CEP43: variants seen among roughly 807,000 people sequenced by gnomAD.
CEP43 encodes the protein centrosomal protein 43.
Under a neutral mutation model 52.6 loss-of-function variants are expected in CEP43, and 36 were observed. That is an observed-to-expected ratio of 0.68 (90% CI 0.52 to 0.90). The LOEUF (loss-of-function observed/expected upper bound fraction) is 0.90. Ranked by LOEUF, CEP43 falls within the 40% of genes least tolerant of loss-of-function variation. The probability of loss-of-function intolerance (pLI) is 0.00; values close to 1 mark genes in which losing one functional copy is unlikely to be tolerated. For missense variants in CEP43, 506 were observed against 472.8 expected, an observed-to-expected ratio of 1.07 and a Z score of -0.65; for synonymous variants, 192 against 172.4, an observed-to-expected ratio of 1.11 and a Z score of -0.89.
chr6:167,031,563 G>T (rs1010311627), intron 10 of CEP43, among the ~76,000 whole-genome samples: 1 of 152,222 alleles, frequency 6.6e-6, no homozygotes, highest in Non-Finnish European at 1.5e-5. Flanking sequence ...AATCCCCTCA[G>T]CAGTCTGACC....
At chr6:167,036,293 A>G (rs6922071) in intron 12 of CEP43, 21,230 of 985,398 alleles carry the variant, frequency 0.022, 570 homozygotes, top group African/African-American at 0.12. Context: ...ATCCCGGGAC[A>G]TGTCAGTGCT....
intron 7 of CEP43, among the ~76,000 whole-genome samples, chr6:167,021,584 A>G (rs1780232040): frequency 6.6e-6 from 1 of 152,236 alleles, no homozygotes; most frequent in African/African-American, 2.4e-5. Context: ...AATGGAGTGA[A>G]AGTCGGCTGT....
intron 12 of CEP43, among the ~76,000 whole-genome samples, chr6:167,038,060 C>T (rs991188655): frequency 6.6e-6 from 1 of 152,116 alleles, no homozygotes; most frequent in South Asian, 2.1e-4. Context: ...TATATTCACC[C>T]GTGGTTTTTT....
chr6:167,040,267 C>G lies in CEP43; in HGVS notation c.*289C>G. On this transcript the variant is annotated 3_prime_UTR_variant, in exon 13 of 13. Transcript: ENST00000366847. ...ACAGGGAAGGAACCCATGAAAACAT[C>G]AGTGTTAAGAGCATGATGAAAGGTG... 6.7e-7 allele frequency: 1 copy of G among 1,494,906 alleles called. No individual in the cohort carries two copies. Among genetic ancestry groups the G allele is most frequent in the Non-Finnish European group, 8.8e-7 (1 of 1,131,506 alleles). The allele number at this position is 1,494,906 out of a possible 1,614,324, so 92.6% of individuals were successfully genotyped here.
At chr6:167,022,774 C>A in intron 8 of CEP43, 139 bp downstream of exon 8, 1 of 648,452 alleles carries the variant, frequency 1.5e-6, no homozygotes, top group Non-Finnish European at 2.6e-6. Context: ...TTGTTAATGC[C>A]TTTCATGTTG....
chr6:167,024,942 T>C lies in CEP43; in HGVS notation c.919+48T>C, dbSNP rs765144069. 7 of 1,022,048 alleles carry C rather than the reference T, an allele frequency of 6.8e-6. No homozygotes were observed. The South Asian group carries it at 9.7e-5, about 14-fold the overall frequency. 63.3% of individuals were successfully genotyped at this position (1,022,048 alleles called of 1,614,324 possible). On this transcript the variant is annotated intron_variant, in intron 9 of 12. Coordinates refer to ENST00000366847, the MANE Select transcript of CEP43 (RefSeq NM_007045.4). Reference sequence around the variant, plus strand: ...TTCAATACTCGGGATATTTTTTCTCTAATTAAATACTATGTGATTATTGTT... The same window carrying C: ...TTCAATACTCGGGATATTTTTTCTCCAATTAAATACTATGTGATTATTGTT...
intron 5 of CEP43, among the ~76,000 whole-genome samples, chr6:167,009,249 A>G (rs1370266455): frequency 6.6e-6 from 1 of 151,796 alleles, no homozygotes; most frequent in Non-Finnish European, 1.5e-5. Flanking sequence ...AAAATTGGCC[A>G]GGTGCGGTGG....
intron 7 of CEP43, among the ~76,000 whole-genome samples, chr6:167,015,073 CTG>C (rs1189239523): frequency 1.3e-5 from 2 of 152,220 alleles, no homozygotes; most frequent in African/African-American, 4.8e-5. Flanking sequence ...TGTGAAATAA[CTG>C]TGATGGGCCC....
chr6:167,047,453 ACTTC>A lies in CEP43; in HGVS notation c.*7481_*7484del, dbSNP rs1780814313. 2.6e-5 allele frequency: 4 copies of A among 152,186 alleles called. No homozygotes were observed. The highest frequency in any genetic ancestry group is 1.3e-4 in the Admixed American group (2 of 15,282). The allele number at this position is 152,186 out of a possible 1,614,324, so 9.4% of individuals were successfully genotyped here. A position where few individuals can be genotyped will look rare whatever the true frequency, so the allele number is the denominator to read the frequency against. ...TTCTCATCTGTAAAGGGGATTAAAT[ACTTC>A]CTTCCCTTACAGGGCTGCCCTGGTC... On this transcript the variant is annotated 3_prime_UTR_variant, in exon 13 of 13. Coordinates refer to ENST00000366847, the MANE Select transcript of CEP43 (RefSeq NM_007045.4).
chr6:167,036,016 G>C, intron 12 of CEP43: 1 of 970,110 alleles, frequency 1.0e-6, no homozygotes, highest in Non-Finnish European at 1.2e-6. Context: ...ATTATTCATT[G>C]TAGTCACAAT....
chr6:167,034,001 C>CTTT, intron 12 of CEP43, 30 bp downstream of exon 12: 2 of 883,284 alleles, frequency 2.3e-6, no homozygotes, highest in South Asian at 1.8e-5. Flanking sequence ...CCATAGAGTG[C>CTTT]TTTTTTTTTT....
Position 167,026,631 on chromosome 6 carries a change from G to T in CEP43, c.988+16G>T, listed in dbSNP as rs750110428. The T allele has an allele frequency of 2.7e-6, 4 of 1,499,108 alleles. No homozygotes were observed. The Admixed American group carries it at 5.0e-5, about 19-fold the overall frequency. 92.9% of individuals were successfully genotyped at this position (1,499,108 alleles called of 1,614,324 possible). A position where few individuals can be genotyped will look rare whatever the true frequency, so the allele number is the denominator to read the frequency against. On this transcript the variant is annotated intron_variant, in intron 10 of 12. Coordinates refer to ENST00000366847, the MANE Select transcript of CEP43 (RefSeq NM_007045.4). ...CTTGGATTAGGTAATTAGATTTCTA[G>T]TTTTTGTGCTGATCGTTTTAAAGTG...
rs1047305353 is a variant in CEP43 at position 167,049,726 on chromosome 6, A to G, written c.*9748A>G. ...ATATGCTTTATTTTCTCTTGAGTAC[A>G]TAAAAGTGGAGCCTCTGAGTAATAT... On this transcript the variant is annotated 3_prime_UTR_variant, in exon 13 of 13. Transcript: ENST00000366847. 1 of 152,336 alleles carries G rather than the reference A, an allele frequency of 6.6e-6. No homozygotes were observed. Among genetic ancestry groups the G allele is most frequent in the South Asian group, 2.1e-4 (1 of 4,816 alleles). The allele number at this position is 152,336 out of a possible 1,614,324, so 9.4% of individuals were successfully genotyped here. A position where few individuals can be genotyped will look rare whatever the true frequency, so the allele number is the denominator to read the frequency against.
In CEP43 at chr6:167,041,216, C is replaced by T. The variant is rs1424059955; in HGVS notation, c.*1238C>T. ...CATGACTTGTGTAATGCCAGTTTCT[C>T]ATTTCATATTAGCCTAAATATTACA... On this transcript the variant is annotated 3_prime_UTR_variant, in exon 13 of 13. Transcript: ENST00000366847. The T allele has an allele frequency of 3.8e-6, 4 of 1,047,580 alleles. No homozygotes were observed. In the Admixed American group the frequency reaches 1.7e-4, roughly 43 times the overall value. 64.9% of individuals were successfully genotyped at this position (1,047,580 alleles called of 1,614,324 possible). A position where few individuals can be genotyped will look rare whatever the true frequency, so the allele number is the denominator to read the frequency against.
chr6:167,027,977 G>C, intron 10 of CEP43: 1 of 986,070 alleles, frequency 1.0e-6, no homozygotes, highest in African/African-American at 1.7e-5. Context: ...CGTCCTGGTT[G>C]CTGGCTGGCC....
intron 10 of CEP43, 57 bp downstream of exon 10, chr6:167,026,672 A>C: frequency 9.0e-7 from 1 of 1,106,466 alleles, no homozygotes. Flanking sequence ...TTTTAGGGTA[A>C]GGCTGTAAAA....
rs79818000 is a variant in CEP43, at chr6:167,042,388, G to A, written c.*2410G>A. ...TTTCATTTTATTGATAACTACAAATGAATAAAAAGCATTTATTCTCTTTGT... is the reference window on the plus strand; with the variant it reads ...TTTCATTTTATTGATAACTACAAATAAATAAAAAGCATTTATTCTCTTTGT... On this transcript the variant is annotated 3_prime_UTR_variant, in exon 13 of 13. Transcript: ENST00000366847. 12,771 of 965,778 alleles carry A rather than the reference G, an allele frequency of 0.013. 127 individuals are homozygous for A. Among genetic ancestry groups the A allele is most frequent in the East Asian group, 0.068 (814 of 11,940 alleles). The allele number at this position is 965,778 out of a possible 1,614,324, so 59.8% of individuals were successfully genotyped here.
intron 8 of CEP43, among the ~76,000 whole-genome samples, chr6:167,024,143 G>T (rs112901720): frequency 6.6e-6 from 1 of 152,160 alleles, no homozygotes; most frequent in African/African-American, 2.4e-5. Context: ...AGTGGAGAGC[G>T]TGTGGGTCTC....
intron 5 of CEP43, among the ~76,000 whole-genome samples, chr6:167,010,358 T>G (rs2128659722): frequency 6.6e-6 from 1 of 152,174 alleles, no homozygotes; most frequent in East Asian, 1.9e-4. Flanking sequence ...ACTGGGAGAG[T>G]GAACTACTAT....
Sources: gnomAD v4.1 joint callset for allele counts (sites outside exome capture counted in the v4.1 genomes callset) on GRCh38, gnomAD v4.1.1 for gene constraint, MANE v1.5 for transcripts, NCBI Gene and HGNC (gene_info 2026-07-23, HGNC 2026-07-21) for gene names.